The following CCSER1 variants were observed in gnomAD, a reference collection of about 807,000 sequenced individuals.
CCSER1 encodes serine-rich coiled-coil domain-containing protein 1.
Under a neutral mutation model 82.0 loss-of-function variants are expected in CCSER1, and 41 were observed. That is an observed-to-expected ratio of 0.50 (90% CI 0.39 to 0.65). The LOEUF is 0.65. Ranked by LOEUF, CCSER1 falls within the 30% of genes least tolerant of loss-of-function variation. CCSER1 has a pLI of 0.00. For missense variants in CCSER1, 1,119 were observed against 1,064.2 expected (o/e 1.05, Z -0.72); for synonymous variants, 414 against 383.9 (o/e 1.08, Z -0.92).
At chr4:90,781,536 T>C in intron 7 of CCSER1, 1 of 983,378 alleles carries the variant, frequency 1.0e-6, no homozygotes, top group Non-Finnish European at 1.2e-6. Flanking sequence ...TGAAACACTT[T>C]TTTTTGATAA....
At chr4:90,384,980 CTGT>C (rs891446405) in intron 3 of CCSER1, among the ~76,000 whole-genome samples, 6 of 152,130 alleles carry the variant, frequency 3.9e-5, no homozygotes, top group Non-Finnish European at 5.9e-5. Context: ...TGAGAATATG[CTGT>C]ATTTGGTTTT....
At chr4:90,657,498 A>C (rs1729916165) in intron 6 of CCSER1, among the ~76,000 whole-genome samples, 1 of 151,498 alleles carries the variant, frequency 6.6e-6, no homozygotes, top group Non-Finnish European at 1.5e-5. Flanking sequence ...TACTTCTGGG[A>C]CTCCAATTGC....
intron 9 of CCSER1, among the ~76,000 whole-genome samples, chr4:91,008,005 G>T (rs1599456): frequency 6.6e-6 from 1 of 151,758 alleles, no homozygotes; most frequent in Admixed American, 6.6e-5. Flanking sequence ...CCCATTGGCC[G>T]CCAAGAGTGT....
At chr4:90,932,956 AAGAAAGAAAG>A (rs1730145772) in intron 9 of CCSER1, among the ~76,000 whole-genome samples, 1 of 44,094 alleles carries the variant, frequency 2.3e-5, no homozygotes, top group Non-Finnish European at 4.0e-5. Context: ...GAAAGAAAGA[AAGAAAGAAAG>A]AAAGAAAGAA....
chr4:90,456,924 G>T (rs199526188), intron 4 of CCSER1, among the ~76,000 whole-genome samples: 1 of 152,134 alleles, frequency 6.6e-6, no homozygotes, highest in East Asian at 1.9e-4. Flanking sequence ...CCCAAGTTTT[G>T]CTCAGGACCA....
intron 8 of CCSER1, among the ~76,000 whole-genome samples, chr4:90,821,777 C>T (rs1469865720): frequency 6.6e-6 from 1 of 152,050 alleles, no homozygotes; most frequent in Admixed American, 6.6e-5. Flanking sequence ...CAGTGTCTTT[C>T]CCTCAGCTAT....
chr4:90,254,841 T>TATA (rs1471273824), intron 1 of CCSER1, among the ~76,000 whole-genome samples: 1 of 152,194 alleles, frequency 6.6e-6, no homozygotes, highest in Non-Finnish European at 1.5e-5. Flanking sequence ...TTCCTGATAA[T>TATA]TTAAGTGGTT....
intron 10 of CCSER1, among the ~76,000 whole-genome samples, chr4:91,088,355 T>C (rs1015157908): frequency 2.0e-5 from 3 of 152,086 alleles, no homozygotes; most frequent in African/African-American, 4.8e-5. Flanking sequence ...TATTTACTTA[T>C]TGAAGTAATG....
chr4:90,771,723 T>C (rs1752210773), intron 7 of CCSER1, among the ~76,000 whole-genome samples: 1 of 152,096 alleles, frequency 6.6e-6, no homozygotes, highest in Non-Finnish European at 1.5e-5. Flanking sequence ...TTCATAGATC[T>C]TGATATTGGC....
intron 10 of CCSER1, among the ~76,000 whole-genome samples, chr4:91,186,329 CATGG>C (rs370436417): frequency 1.2e-4 from 19 of 152,198 alleles, no homozygotes; most frequent in African/African-American, 4.1e-4. Context: ...GAAAAAGTTC[CATGG>C]TAGAATGGAC....
chr4:90,256,719 A>G (rs1482124660), intron 1 of CCSER1, among the ~76,000 whole-genome samples: 2 of 152,154 alleles, frequency 1.3e-5, no homozygotes, highest in African/African-American at 4.8e-5. Context: ...TGACAAATGA[A>G]AAGTGGGTCA....
intron 10 of CCSER1, among the ~76,000 whole-genome samples, chr4:91,317,921 C>T (rs1289051155): frequency 6.6e-6 from 1 of 151,920 alleles, no homozygotes; most frequent in Non-Finnish European, 1.5e-5. Flanking sequence ...CCAGTACACC[C>T]ACTGTGCTTT....
chr4:90,293,085 C>A (rs1579001166), intron 1 of CCSER1, among the ~76,000 whole-genome samples: 1 of 151,830 alleles, frequency 6.6e-6, no homozygotes, highest in South Asian at 2.1e-4. Flanking sequence ...TAAAGTGATA[C>A]CTAAAATTTA....
chr4:90,697,014 A>G (rs1737104581), intron 6 of CCSER1, among the ~76,000 whole-genome samples: 1 of 151,694 alleles, frequency 6.6e-6, no homozygotes, highest in African/African-American at 2.4e-5. Flanking sequence ...GAAGGATGAG[A>G]ACAGATACAG....
At position 90,458,271 on chromosome 4, in the gene CCSER1, C is replaced by T. The variant is rs553030517; in HGVS notation, c.1604-9963C>T. 3.9e-5 allele frequency among the ~76,000 whole-genome samples: 6 copies of T among 152,324 alleles called. No individual in the cohort carries two copies. In the South Asian group the frequency reaches 1.0e-3, roughly 26 times the overall value. ...CATGGAGTGCACCGCCCCAGCTACA[C>T]CTCCCACACTGCAACCAGCATCTTC... On this transcript the variant is annotated intron_variant, in intron 4 of 10. Coordinates refer to ENST00000509176, the MANE Select transcript of CCSER1 (RefSeq NM_001145065.2).
chr4:90,991,820 A>G (rs1737056996), intron 9 of CCSER1, among the ~76,000 whole-genome samples: 1 of 151,994 alleles, frequency 6.6e-6, no homozygotes, highest in East Asian at 1.9e-4. Flanking sequence ...TCCTTTTTTC[A>G]GCGAAGATTC....
rs1240906508 is a variant in CCSER1 at position 91,424,420 on chromosome 4, A to G, written c.2218-174152A>G. 2.0e-5 allele frequency among the ~76,000 whole-genome samples: 3 copies of G among 152,094 alleles called. No homozygotes were observed. The East Asian group carries it at 5.8e-4, about 29-fold the overall frequency. ...CCTTTCTCATCCTACTCAAACCTTC[A>G]ATATCTGGGTCAACAGTTATCTCAG... On this transcript the variant is annotated intron_variant, in intron 10 of 10. Coordinates refer to ENST00000509176, the MANE Select transcript of CCSER1 (RefSeq NM_001145065.2).
chr4:91,552,669 G>A (rs1762211419), intron 10 of CCSER1, among the ~76,000 whole-genome samples: 1 of 151,530 alleles, frequency 6.6e-6, no homozygotes, highest in South Asian at 2.1e-4. Flanking sequence ...GCTGACTGTG[G>A]ATTTAGCTTG....
At chr4:90,559,621 G>A (rs150296866) in intron 5 of CCSER1, among the ~76,000 whole-genome samples, 4,736 of 151,938 alleles carry the variant, frequency 0.031, 243 homozygotes, top group African/African-American at 0.1. Flanking sequence ...AGGAGTTTGA[G>A]GCCAGCCTGG....
Sources: gnomAD v4.1 joint callset for allele counts (sites outside exome capture counted in the v4.1 genomes callset) on GRCh38, gnomAD v4.1.1 for gene constraint, MANE v1.5 for transcripts, NCBI Gene and HGNC (gene_info 2026-07-23, HGNC 2026-07-21) for gene names.